Variants in OPCML observed in about 807,000 individuals in gnomAD.
OPCML encodes the protein opioid binding protein/cell adhesion molecule like.
A neutral mutation model predicts 37.8 loss-of-function variants in OPCML; 13 were observed. That is an observed-to-expected ratio of 0.34 (90% CI 0.22 to 0.55). The LOEUF (loss-of-function observed/expected upper bound fraction) is 0.55. OPCML is among the 20% of genes least tolerant of loss of function. The pLI is 0.91. For missense variants in OPCML, 341 were observed against 435.6 expected, an observed-to-expected ratio of 0.78 and a Z score of 1.93; for synonymous variants, 176 against 168.8, an observed-to-expected ratio of 1.04 and a Z score of -0.33.
intron 3 of OPCML, among the ~76,000 whole-genome samples, chr11:132,552,756 C>T (rs1043721086): frequency 1.2e-5 from 1 of 84,734 alleles, no homozygotes; most frequent in African/African-American, 7.3e-5. Flanking sequence ...CTAAATTAAA[C>T]ACTACTCTTT....
chr11:132,890,081 T>G (rs995336142), intron 2 of OPCML, among the ~76,000 whole-genome samples: 2 of 152,206 alleles, frequency 1.3e-5, no homozygotes, highest in African/African-American at 4.8e-5. Flanking sequence ...TTGTGGGGCC[T>G]TTGTAATTTT....
At chr11:132,442,187 A>AT (rs2096038201) in intron 4 of OPCML, among the ~76,000 whole-genome samples, 1 of 152,038 alleles carries the variant, frequency 6.6e-6, no homozygotes, top group African/African-American at 2.4e-5. Flanking sequence ...AGCAGTTTAT[A>AT]TTTTTCTGTA....
chr11:132,784,399 C>T (rs1947135900), intron 2 of OPCML, among the ~76,000 whole-genome samples: 2 of 152,136 alleles, frequency 1.3e-5, no homozygotes, highest in South Asian at 4.2e-4. Context: ...ACAGCACCAA[C>T]TTCCAATCTG....
At chr11:133,099,765 T>C (rs1216558162) in intron 1 of OPCML, among the ~76,000 whole-genome samples, 3 of 152,184 alleles carry the variant, frequency 2.0e-5, no homozygotes, top group African/African-American at 7.2e-5. Context: ...AATGGGGTTA[T>C]TTGTTGTTCG....
chr11:132,885,058 T>A (rs762125382), intron 2 of OPCML, among the ~76,000 whole-genome samples: 2 of 152,142 alleles, frequency 1.3e-5, no homozygotes, highest in Non-Finnish European at 2.9e-5. Context: ...TGCCTTCTCC[T>A]CCACTCCCTC....
intron 7 of OPCML, among the ~76,000 whole-genome samples, chr11:132,429,547 C>T (rs1294407883): frequency 6.6e-6 from 1 of 152,056 alleles, no homozygotes; most frequent in Non-Finnish European, 1.5e-5. Context: ...ATGCCCCGAG[C>T]GTTCCCAGCG....
At chr11:133,307,810 C>A (rs1357661517) in intron 1 of OPCML, among the ~76,000 whole-genome samples, 1 of 152,034 alleles carries the variant, frequency 6.6e-6, no homozygotes, top group Non-Finnish European at 1.5e-5. Context: ...CCATGGTAGA[C>A]AAGCAACCAA....
chr11:133,109,318 A>G (rs745579843), intron 1 of OPCML, among the ~76,000 whole-genome samples: 2 of 152,176 alleles, frequency 1.3e-5, no homozygotes, highest in African/African-American at 2.4e-5. Context: ...ACTCCACAGC[A>G]TGGAAGAGGA....
chr11:132,951,614 ACTCC>A (rs1210319913), intron 1 of OPCML, among the ~76,000 whole-genome samples: 10 of 152,184 alleles, frequency 6.6e-5, no homozygotes, highest in East Asian at 3.9e-4. Context: ...CATGCCTGGC[ACTCC>A]CTAAGTCCAT....
At chr11:132,777,589 A>G (rs1024360220) in intron 2 of OPCML, among the ~76,000 whole-genome samples, 4 of 152,212 alleles carry the variant, frequency 2.6e-5, no homozygotes, top group Non-Finnish European at 5.9e-5. Context: ...ATCTGTCAAC[A>G]TTCTGTGACA....
chr11:133,194,604 A>G (rs1480879731), intron 1 of OPCML, among the ~76,000 whole-genome samples: 1 of 151,892 alleles, frequency 6.6e-6, no homozygotes, highest in Non-Finnish European at 1.5e-5. Context: ...CCTCACAACT[A>G]CCCCCTGATA....
intron 1 of OPCML, among the ~76,000 whole-genome samples, chr11:133,374,641 C>T (rs1036950095): frequency 2.0e-5 from 3 of 152,216 alleles, no homozygotes; most frequent in Admixed American, 6.5e-5. Flanking sequence ...TCGTCCTACC[C>T]TGCTACTAAT....
At chr11:132,714,123 A>T (rs746821410) in intron 2 of OPCML, among the ~76,000 whole-genome samples, 13 of 152,234 alleles carry the variant, frequency 8.5e-5, no homozygotes, top group Non-Finnish European at 1.3e-4. Flanking sequence ...TGTAGACCCT[A>T]TAAAAATGCA....
chr11:133,514,647 G>A (rs1948225432), intron 1 of OPCML, among the ~76,000 whole-genome samples: 1 of 151,988 alleles, frequency 6.6e-6, no homozygotes, highest in African/African-American at 2.4e-5. Context: ...TTTCAAATTG[G>A]CTCAGTACTC....
intron 1 of OPCML, among the ~76,000 whole-genome samples, chr11:132,951,780 A>G (rs535701763): frequency 1.3e-4 from 20 of 152,320 alleles, no homozygotes; most frequent in Admixed American, 3.9e-4. Flanking sequence ...CTGTGTGTGT[A>G]TATAATAAAA....
intron 4 of OPCML, among the ~76,000 whole-genome samples, chr11:132,486,924 C>T (rs1397788153): frequency 6.6e-6 from 1 of 152,112 alleles, no homozygotes; most frequent in Non-Finnish European, 1.5e-5. Flanking sequence ...GGAAAGAGGC[C>T]AAGAGCAATT....
chr11:132,868,323 T>A (rs1044325155), intron 2 of OPCML, among the ~76,000 whole-genome samples: 11 of 125,732 alleles, frequency 8.7e-5, no homozygotes, highest in African/African-American at 2.5e-4. Context: ...TTTTTTTTTT[T>A]ACAAAGGGGA....
At chr11:132,664,254 AT>A (rs1367442616) in intron 2 of OPCML, among the ~76,000 whole-genome samples, 2 of 152,120 alleles carry the variant, frequency 1.3e-5, no homozygotes, top group African/African-American at 4.8e-5. Context: ...GATTGCACAT[AT>A]ATAAAGTTTT....
rs190556250 is a variant in OPCML, at chr11:133,218,921, G to A, written c.62-275911C>T. ...AACCTGGTATCCCTGCAAAGCACTT[G>A]AGCCCATAAGCCTATAATCCTTTGT... On this transcript the variant is annotated intron_variant, in intron 1 of 7. Coordinates refer to ENST00000524381, the MANE Select transcript of OPCML (RefSeq NM_001012393.5). Among the ~76,000 whole-genome samples, 1,334 of 152,290 alleles carry A rather than the reference G, an allele frequency of 8.8e-3. 10 individuals carry two copies. Among genetic ancestry groups the A allele is most frequent in the South Asian group, 0.022 (106 of 4,822 alleles).
Sources: allele counts gnomAD v4.1 joint callset (sites outside exome capture counted in the v4.1 genomes callset), GRCh38; gene constraint gnomAD v4.1.1; transcripts MANE v1.5; gene names NCBI Gene and HGNC (gene_info 2026-07-23, HGNC 2026-07-21).